The following SORCS2 variants were observed in gnomAD, a reference collection of about 807,000 sequenced individuals.
SORCS2 encodes the protein sortilin related VPS10 domain containing receptor 2.
A neutral mutation model predicts 141.6 loss-of-function variants in SORCS2; 100 were observed. The observed-to-expected ratio is 0.71, with a 90% CI of 0.60 to 0.83. The LOEUF is 0.83. Ranked by LOEUF, SORCS2 falls within the 40% of genes least tolerant of loss-of-function variation. SORCS2 has a pLI of 0.00. For missense variants in SORCS2, 1,646 were observed against 1,560.2 expected (o/e 1.05, Z -0.93); for synonymous variants, 789 against 676.9 (o/e 1.17, Z -2.57).
At chr4:7,435,075 C>G (rs1727207610) in intron 2 of SORCS2, 2 of 610,896 alleles carry the variant, frequency 3.3e-6, no homozygotes, top group Non-Finnish European at 5.6e-6. Context: ...AACACTATCC[C>G]TCCCCTCTTT....
chr4:7,503,797 C>G (rs1318067089), intron 2 of SORCS2, among the ~76,000 whole-genome samples: 1 of 152,182 alleles, frequency 6.6e-6, no homozygotes, highest in African/African-American at 2.4e-5. Context: ...ACCGCTGGCC[C>G]CTGGCTTGCT....
chr4:7,454,672 G>A (rs1450676306), intron 2 of SORCS2, among the ~76,000 whole-genome samples: 1 of 128,082 alleles, frequency 7.8e-6, no homozygotes, highest in African/African-American at 3.0e-5. Context: ...CAGGCTCTGT[G>A]TTGGGGTCAG....
chr4:7,475,707 AACACACATAC>A (rs140066724), intron 2 of SORCS2, among the ~76,000 whole-genome samples: 5,035 of 152,340 alleles, frequency 0.033, 250 homozygotes, highest in African/African-American at 0.11. Context: ...GTTCACACAC[AACACACATAC>A]ACACACATGC....
At chr4:7,683,981 C>T (rs1212052298) in intron 10 of SORCS2, among the ~76,000 whole-genome samples, 4 of 152,162 alleles carry the variant, frequency 2.6e-5, no homozygotes, top group Non-Finnish European at 5.9e-5. Flanking sequence ...ACTCAGCTGC[C>T]AGGGACCAGT....
chr4:7,439,480 C>T (rs946822113), intron 2 of SORCS2, among the ~76,000 whole-genome samples: 2 of 152,314 alleles, frequency 1.3e-5, no homozygotes, highest in Admixed American at 1.3e-4. Flanking sequence ...TAAATTTCAC[C>T]TACAGCTAAA....
At chr4:7,222,697 T>C (rs1275105075) in intron 1 of SORCS2, among the ~76,000 whole-genome samples, 2 of 151,980 alleles carry the variant, frequency 1.3e-5, no homozygotes. Context: ...CGTGCTGTGG[T>C]CAGGCTTCCC....
chr4:7,218,762 G>A (rs57971854), intron 1 of SORCS2, among the ~76,000 whole-genome samples: 32,453 of 152,176 alleles, frequency 0.21, 4,000 homozygotes, highest in African/African-American at 0.35. Context: ...GATGAATCCC[G>A]ATAGGAATGT....
chr4:7,650,463 G>A (rs1721363759), intron 4 of SORCS2, among the ~76,000 whole-genome samples: 2 of 152,166 alleles, frequency 1.3e-5, no homozygotes, highest in African/African-American at 4.8e-5. Flanking sequence ...TTAAGAAGTG[G>A]TGAAACTGAG....
intron 2 of SORCS2, among the ~76,000 whole-genome samples, chr4:7,457,945 G>C (rs1339372185): frequency 1.3e-5 from 2 of 152,002 alleles, no homozygotes; most frequent in African/African-American, 4.8e-5. Context: ...AGGCTGCGGG[G>C]CAGGGACGTC....
In SORCS2 at chr4:7,697,218, G is replaced by C. The variant is rs1303458713; in HGVS notation, c.1612G>C (p.Val538Leu). The change falls in exon 12 of 27, where the codon GTG (valine) becomes CTG (leucine). Residue 538 changes from valine (V) to leucine (L), a missense_variant. Transcript: ENST00000507866. ...ACCAGGTAACCTGGGCTCACAGCTG[G>C]TGGAATATAAAGAAGAAATGTACAT... Reference protein sequence around the residue: ...MGAGNLGSQLVEYKEEMYITS... With the variant: ...MGAGNLGSQLLEYKEEMYITS... 6.3e-7 allele frequency: 1 copy of C among 1,587,790 alleles called. No individual in the cohort carries two copies. Among genetic ancestry groups the C allele is most frequent in the African/African-American group, 1.3e-5 (1 of 74,566 alleles).
intron 3 of SORCS2, among the ~76,000 whole-genome samples, chr4:7,590,667 T>C (rs1716858262): frequency 6.6e-6 from 1 of 152,230 alleles, no homozygotes; most frequent in South Asian, 2.1e-4. Context: ...CAACGGCTAA[T>C]AGGGAATGGG....
intron 23 of SORCS2, 59 bp from the exon 24 acceptor site, chr4:7,733,263 C>A: frequency 7.5e-7 from 1 of 1,326,102 alleles, no homozygotes; most frequent in Non-Finnish European, 1.0e-6. Context: ...CATCCCCCTT[C>A]CCTTTTGGCA....
intron 23 of SORCS2, among the ~76,000 whole-genome samples, chr4:7,732,952 C>T (rs1328809859): frequency 6.6e-6 from 1 of 152,044 alleles, no homozygotes; most frequent in Admixed American, 6.5e-5. Flanking sequence ...GTCCACCCAG[C>T]TCTCCCATCC....
At chr4:7,403,980 T>G (rs1724769935) in intron 2 of SORCS2, among the ~76,000 whole-genome samples, 1 of 18,736 alleles carries the variant, frequency 5.3e-5, no homozygotes, top group Non-Finnish European at 1.1e-4. Flanking sequence ...TATATATATA[T>G]ATATATATAT....
intron 10 of SORCS2, among the ~76,000 whole-genome samples, 198 bp from the exon 11 acceptor site, chr4:7,689,288 G>T (rs1024037133): frequency 2.6e-5 from 4 of 151,680 alleles, no homozygotes; most frequent in Non-Finnish European, 2.9e-5. Flanking sequence ...ACCTGCTGAA[G>T]CTTCCCTTGT....
intron 3 of SORCS2, among the ~76,000 whole-genome samples, chr4:7,564,727 C>T (rs1475611816): frequency 1.3e-5 from 2 of 152,240 alleles, no homozygotes; most frequent in Non-Finnish European, 2.9e-5. Context: ...GTTTCCACGG[C>T]AGCCACAGCA....
intron 3 of SORCS2, among the ~76,000 whole-genome samples, chr4:7,555,583 C>A (rs757818996): frequency 9.9e-5 from 15 of 152,192 alleles, no homozygotes; most frequent in Non-Finnish European, 1.9e-4. Context: ...GGTTGGGTAT[C>A]GGATGAAAAC....
intron 1 of SORCS2, among the ~76,000 whole-genome samples, chr4:7,360,023 C>T (rs1288800788): frequency 6.6e-6 from 1 of 152,190 alleles, no homozygotes; most frequent in Non-Finnish European, 1.5e-5. Flanking sequence ...CGGTAGCAGC[C>T]ATGCCCTAAA....
chr4:7,355,673 C>T (rs553877782), intron 1 of SORCS2, among the ~76,000 whole-genome samples: 2 of 152,286 alleles, frequency 1.3e-5, no homozygotes, highest in Non-Finnish European at 2.9e-5. Flanking sequence ...GCTTTGGAGC[C>T]TAGGGTCTGG....
Sources: allele counts gnomAD v4.1 joint callset (sites outside exome capture counted in the v4.1 genomes callset), GRCh38; gene constraint gnomAD v4.1.1; transcripts MANE v1.5; gene names NCBI Gene and HGNC (gene_info 2026-07-23, HGNC 2026-07-21).